The following OLA1 variants were observed in gnomAD, a reference collection of about 807,000 sequenced individuals.
The protein encoded by OLA1 is obg-like ATPase 1.
Under a neutral mutation model 48.4 loss-of-function variants are expected in OLA1, and 14 were observed. The observed-to-expected ratio is 0.29, with a 90% CI of 0.19 to 0.45. The LOEUF is 0.45. Among genes scored for constraint, OLA1 ranks in the 20% least tolerant of loss-of-function variants. The pLI is 1.00. For synonymous variants in OLA1, 127 were observed against 150.4 expected (o/e 0.84, Z 1.14); for missense variants, 325 against 467.1 (o/e 0.70, Z 2.80).
chr2:174,114,782 T>C (rs1455755698), intron 7 of OLA1, among the ~76,000 whole-genome samples: 3 of 152,208 alleles, frequency 2.0e-5, no homozygotes, highest in African/African-American at 7.2e-5. Context: ...TCTCTCTCTG[T>C]TGGAGTAACC....
chr2:174,134,078 G>T (rs1269032403), intron 5 of OLA1, among the ~76,000 whole-genome samples: 1 of 152,190 alleles, frequency 6.6e-6, no homozygotes, highest in Non-Finnish European at 1.5e-5. Context: ...TAATGTTTTT[G>T]AGGCTCATGC....
chr2:174,221,971 A>G (rs34076243), intron 4 of OLA1, among the ~76,000 whole-genome samples: 19,362 of 152,160 alleles, frequency 0.13, 1,449 homozygotes, highest in East Asian at 0.21. Context: ...AGGTCTCACC[A>G]TACCTTCACT....
intron 4 of OLA1, among the ~76,000 whole-genome samples, chr2:174,195,839 T>A (rs1383829794): frequency 6.6e-6 from 1 of 152,168 alleles, no homozygotes; most frequent in Non-Finnish European, 1.5e-5. Context: ...TCTTAAAGCT[T>A]TTTACAAAGT....
In OLA1 at chr2:174,214,237, G is replaced by A. The variant is rs147644458; in HGVS notation, c.373+8796C>T. On this transcript the variant is annotated intron_variant, in intron 4 of 10. Transcript: ENST00000284719. ...AGTCCCAGCTACTCAGAGGGCTAAG[G>A]CATGAGAATAGCTTGAACCCAGGAG... 1.7e-3 allele frequency among the ~76,000 whole-genome samples: 252 copies of A among 152,206 alleles called. 1 individual carries two copies. Among genetic ancestry groups the A allele is most frequent in the African/African-American group, 5.6e-3 (233 of 41,516 alleles).
rs1684667666 is a variant in OLA1 at position 174,073,994 on chromosome 2, C to T, written c.*1432G>A. 1 of 152,200 alleles carries T rather than the reference C, an allele frequency of 6.6e-6. No homozygotes were observed. The highest frequency in any genetic ancestry group is 1.5e-5 in the Non-Finnish European group (1 of 68,032). 9.4% of individuals were successfully genotyped at this position (152,200 alleles called of 1,614,324 possible). Reference sequence around the variant, plus strand: ...CTATTTGATACTAAAAAAATACTCACTGGAGAGCTTCTAAATTATACTCAC... The same window carrying T: ...CTATTTGATACTAAAAAAATACTCATTGGAGAGCTTCTAAATTATACTCAC... On this transcript the variant is annotated 3_prime_UTR_variant, in exon 11 of 11. Coordinates refer to ENST00000284719, the MANE Select transcript of OLA1 (RefSeq NM_013341.5).
intron 2 of OLA1, among the ~76,000 whole-genome samples, chr2:174,235,415 G>C (rs1385627990): frequency 6.6e-6 from 1 of 152,130 alleles, no homozygotes. Flanking sequence ...GGGGAGTTTT[G>C]CTTCCCCTCT....
intron 4 of OLA1, among the ~76,000 whole-genome samples, chr2:174,220,511 T>C (rs1375867635): frequency 6.6e-6 from 1 of 152,196 alleles, no homozygotes; most frequent in Non-Finnish European, 1.5e-5. Flanking sequence ...AATGTCTGTA[T>C]CCTCCACTGT....
chr2:174,170,017 T>C (rs1687258433), intron 4 of OLA1, among the ~76,000 whole-genome samples: 1 of 152,200 alleles, frequency 6.6e-6, no homozygotes, highest in South Asian at 2.1e-4. Context: ...ATATTTTACA[T>C]GAAGTGATAC....
chr2:174,203,919 C>T lies in OLA1; in HGVS notation c.373+19114G>A, dbSNP rs370142553. ...AAGTGATTCTCCTGCCTCAGCCTCC[C>T]GAGTAACTGGGATTACAGGTGTGCA... On this transcript the variant is annotated intron_variant, in intron 4 of 10. Coordinates refer to ENST00000284719, the MANE Select transcript of OLA1 (RefSeq NM_013341.5). Among the ~76,000 whole-genome samples, 6 of 151,598 alleles carry T rather than the reference C, an allele frequency of 4.0e-5. No homozygotes were observed. In the East Asian group the frequency reaches 9.9e-4, roughly 25 times the overall value.
chr2:174,209,771 A>G (rs995146650), intron 4 of OLA1, among the ~76,000 whole-genome samples: 2 of 152,238 alleles, frequency 1.3e-5, no homozygotes, highest in Non-Finnish European at 2.9e-5. Context: ...CTAAATGAAG[A>G]AATAAATTGA....
chr2:174,180,560 G>C (rs1389874740), intron 4 of OLA1, among the ~76,000 whole-genome samples: 1 of 152,186 alleles, frequency 6.6e-6, no homozygotes, highest in African/African-American at 2.4e-5. Context: ...AAGACAGCAG[G>C]ATGCAGTATA....
chr2:174,091,534 C>CT (rs2105346279), intron 7 of OLA1, among the ~76,000 whole-genome samples: 1 of 152,310 alleles, frequency 6.6e-6, no homozygotes, highest in African/African-American at 2.4e-5. Context: ...AGTACAAGTG[C>CT]TGAAATCTTC....
At chr2:174,105,603 A>C (rs1685496649) in intron 7 of OLA1, among the ~76,000 whole-genome samples, 1 of 152,006 alleles carries the variant, frequency 6.6e-6, no homozygotes, top group Non-Finnish European at 1.5e-5. Flanking sequence ...ACTGACAGAA[A>C]ATCTCCAAAA....
chr2:174,104,067 T>C (rs1685459106), intron 7 of OLA1, among the ~76,000 whole-genome samples: 2 of 152,032 alleles, frequency 1.3e-5, no homozygotes, highest in African/African-American at 4.8e-5. Context: ...CTTTCCCTGA[T>C]GAATTTTCCA....
intron 7 of OLA1, among the ~76,000 whole-genome samples, chr2:174,120,938 AG>A (rs796943999): frequency 2.6e-5 from 4 of 152,340 alleles, no homozygotes; most frequent in African/African-American, 9.6e-5. Flanking sequence ...TATTTGCTAT[AG>A]TAACATTACA....
intron 4 of OLA1, among the ~76,000 whole-genome samples, chr2:174,161,058 G>A (rs1341339532): frequency 2.0e-5 from 3 of 152,122 alleles, no homozygotes; most frequent in Non-Finnish European, 2.9e-5. Flanking sequence ...CAGCTGCAAC[G>A]TTAAAAAGAT....
At chr2:174,148,266 T>G (rs2105386169) in intron 4 of OLA1, among the ~76,000 whole-genome samples, 1 of 152,224 alleles carries the variant, frequency 6.6e-6, no homozygotes, top group South Asian at 2.1e-4. Flanking sequence ...CATGCGCCTG[T>G]GGTCCCAGCT....
chr2:174,148,802 G>T (rs1686675844), intron 4 of OLA1, among the ~76,000 whole-genome samples: 1 of 151,994 alleles, frequency 6.6e-6, no homozygotes, highest in Admixed American at 6.5e-5. Flanking sequence ...ACTATTTCTG[G>T]TTAGTCTCCC....
chr2:174,130,531 A>T (rs1413625999), intron 5 of OLA1, among the ~76,000 whole-genome samples: 2 of 152,168 alleles, frequency 1.3e-5, no homozygotes, highest in Non-Finnish European at 2.9e-5. Context: ...GTGGCAACCA[A>T]AATGGACACC....
Sources: allele counts gnomAD v4.1 joint callset (sites outside exome capture counted in the v4.1 genomes callset), GRCh38; gene constraint gnomAD v4.1.1; transcripts MANE v1.5; gene names NCBI Gene and HGNC (gene_info 2026-07-23, HGNC 2026-07-21).